Variants in RORB observed in about 807,000 individuals in gnomAD.
RORB encodes the protein nuclear receptor ROR-beta.
A neutral mutation model predicts 59.1 loss-of-function variants in RORB; 6 were observed. The observed-to-expected ratio is 0.10, with a 90% CI of 0.06 to 0.20. The LOEUF is 0.20. Ranked by LOEUF, RORB falls within the 10% of genes least tolerant of loss-of-function variation. The pLI is 1.00. For missense variants in RORB, 320 were observed against 560.5 expected (o/e 0.57, Z 4.33); for synonymous variants, 215 against 204.5 (o/e 1.05, Z -0.44).
chr9:74,659,668 T>G (rs554679971), intron 4 of RORB, among the ~76,000 whole-genome samples: 118 of 149,724 alleles, frequency 7.9e-4, no homozygotes, highest in Non-Finnish European at 1.1e-3. Flanking sequence ...TTTTTTGTGG[T>G]TTTTTTTTAG....
intron 1 of RORB, among the ~76,000 whole-genome samples, chr9:74,540,737 C>T (rs1247762009): frequency 6.6e-6 from 1 of 151,968 alleles, no homozygotes; most frequent in African/African-American, 2.4e-5. Context: ...GGGATGCTTC[C>T]AGTCTTCTGC....
At chr9:74,673,184 AG>A (rs1292566724) in intron 9 of RORB, among the ~76,000 whole-genome samples, 2 of 152,220 alleles carry the variant, frequency 1.3e-5, no homozygotes, top group African/African-American at 4.8e-5. Context: ...ACATGCTTTC[AG>A]ATTCACTGGG....
chr9:74,679,747 A>C (rs553086060), intron 9 of RORB, among the ~76,000 whole-genome samples: 2 of 152,132 alleles, frequency 1.3e-5, no homozygotes, highest in Non-Finnish European at 2.9e-5. Context: ...GTTGTCCATC[A>C]GATTAATGGT....
chr9:74,545,794 A>G (rs1216665185), intron 1 of RORB, among the ~76,000 whole-genome samples: 2 of 141,010 alleles, frequency 1.4e-5, no homozygotes, highest in Admixed American at 1.4e-4. Flanking sequence ...AGTAACTCTT[A>G]TTTTACCTGA....
chr9:74,605,504 G>A (rs1200823162), intron 1 of RORB, among the ~76,000 whole-genome samples: 2 of 152,186 alleles, frequency 1.3e-5, no homozygotes, highest in Admixed American at 6.5e-5. Flanking sequence ...TCCTAGCAAG[G>A]AAGTGACCCG....
chr9:74,689,258 C>G lies in RORB; in HGVS notation c.*3640C>G, dbSNP rs531152134. ...AGCTGGGATTACAGGCACACGCCCCCACACCCGGCTAATTTTTGTATTTTA... is the reference window on the plus strand; with the variant it reads ...AGCTGGGATTACAGGCACACGCCCCGACACCCGGCTAATTTTTGTATTTTA... On this transcript the variant is annotated 3_prime_UTR_variant, in exon 10 of 10. Coordinates refer to ENST00000376896, the MANE Select transcript of RORB (RefSeq NM_006914.4). 2 of 152,528 alleles carry G rather than the reference C, an allele frequency of 1.3e-5. No individual in the cohort carries two copies. Among genetic ancestry groups the G allele is most frequent in the East Asian group, 1.9e-4 (1 of 5,182 alleles). 9.4% of individuals were successfully genotyped at this position (152,528 alleles called of 1,614,324 possible). A position where few individuals can be genotyped will look rare whatever the true frequency, so the allele number is the denominator to read the frequency against.
At chr9:74,533,722 G>A (rs1360457005) in intron 1 of RORB, among the ~76,000 whole-genome samples, 1 of 152,004 alleles carries the variant, frequency 6.6e-6, no homozygotes, top group African/African-American at 2.4e-5. Flanking sequence ...ATATCCATCA[G>A]CTATAGTAGT....
chr9:74,583,697 C>T (rs971573193), intron 1 of RORB, among the ~76,000 whole-genome samples: 1 of 152,158 alleles, frequency 6.6e-6, no homozygotes, highest in Admixed American at 6.5e-5. Flanking sequence ...ATCCTTAGAA[C>T]TCAGGCTGTA....
At chr9:74,531,662 G>A (rs1023065639) in intron 1 of RORB, among the ~76,000 whole-genome samples, 3 of 151,778 alleles carry the variant, frequency 2.0e-5, no homozygotes, top group African/African-American at 7.3e-5. Flanking sequence ...ATTGTTATTT[G>A]GCTCCTTTAA....
At chr9:74,538,374 G>T (rs1826353400) in intron 1 of RORB, among the ~76,000 whole-genome samples, 1 of 151,954 alleles carries the variant, frequency 6.6e-6, no homozygotes, top group African/African-American at 2.4e-5. Context: ...TAACAATAAA[G>T]AAATTTATTT....
chr9:74,512,410 C>G (rs533607537), intron 1 of RORB, among the ~76,000 whole-genome samples: 48 of 152,244 alleles, frequency 3.2e-4, no homozygotes, highest in African/African-American at 1.1e-3. Context: ...GTTATAAACT[C>G]ATTGGTATTT....
intron 7 of RORB, among the ~76,000 whole-genome samples, chr9:74,666,090 C>T (rs1824260031): frequency 6.6e-6 from 1 of 151,812 alleles, no homozygotes. Context: ...AGTTCTAGAC[C>T]AGCCTGGCCA....
At chr9:74,506,807 T>A (rs1046910021) in intron 1 of RORB, among the ~76,000 whole-genome samples, 1 of 152,096 alleles carries the variant, frequency 6.6e-6, no homozygotes, top group African/African-American at 2.4e-5. Context: ...GAAACACAAA[T>A]AATTGTTTTA....
At chr9:74,672,768 T>TAA (rs1263869026) in intron 9 of RORB, among the ~76,000 whole-genome samples, 1 of 152,236 alleles carries the variant, frequency 6.6e-6, no homozygotes. Flanking sequence ...AAAGTATCTT[T>TAA]GATTTCTTAA....
chr9:74,660,851 T>A lies in RORB; in HGVS notation c.759+113T>A, dbSNP rs190986940. Reference sequence around the variant, plus strand: ...GCAATTCTTTTCTGTAAGGGCATCCTGCAAATTGTTCGATACTTACCAGCA... The same window carrying A: ...GCAATTCTTTTCTGTAAGGGCATCCAGCAAATTGTTCGATACTTACCAGCA... On this transcript the variant is annotated intron_variant, in intron 5 of 9. Transcript: ENST00000376896. 2.1e-5 allele frequency: 23 copies of A among 1,119,904 alleles called. No homozygotes were observed. The African/African-American group carries it at 3.6e-4, about 18-fold the overall frequency. The allele number at this position is 1,119,904 out of a possible 1,614,324, so 69.4% of individuals were successfully genotyped here.
At chr9:74,538,570 ATTG>A (rs1339393129) in intron 1 of RORB, among the ~76,000 whole-genome samples, 2 of 152,072 alleles carry the variant, frequency 1.3e-5, no homozygotes, top group Non-Finnish European at 2.9e-5. Context: ...GTACACCTCA[ATTG>A]TTATTATTTA....
At chr9:74,619,192 C>T (rs934701845) in intron 1 of RORB, among the ~76,000 whole-genome samples, 4 of 152,058 alleles carry the variant, frequency 2.6e-5, no homozygotes, top group Admixed American at 1.3e-4. Context: ...TTAAGATTGC[C>T]CTTTCCCATT....
At chr9:74,506,008 C>A (rs1000930822) in intron 1 of RORB, among the ~76,000 whole-genome samples, 3 of 148,542 alleles carry the variant, frequency 2.0e-5, no homozygotes, top group African/African-American at 4.9e-5. Context: ...AAAAAGAAAA[C>A]GTAAAAATAC....
At chr9:74,595,280 T>G (rs6560399) in intron 1 of RORB, among the ~76,000 whole-genome samples, 1 of 152,036 alleles carries the variant, frequency 6.6e-6, no homozygotes, top group Admixed American at 6.5e-5. Flanking sequence ...AGGCTTGCTG[T>G]CATTCAAGAA....
Sources: gnomAD v4.1 joint callset for allele counts (sites outside exome capture counted in the v4.1 genomes callset) on GRCh38, gnomAD v4.1.1 for gene constraint, MANE v1.5 for transcripts, NCBI Gene and HGNC (gene_info 2026-07-23, HGNC 2026-07-21) for gene names.